PPP6R2: variants seen among roughly 807,000 people sequenced by gnomAD.
PPP6R2 encodes the protein protein phosphatase 6 regulatory subunit 2.
PPP6R2 carries 62 observed loss-of-function variants against 100.2 expected under a neutral mutation model. The ratio of observed to expected loss-of-function variants is 0.62; its 90% confidence interval spans 0.50 to 0.76. The LOEUF is 0.76. Among genes scored for constraint, PPP6R2 ranks in the 30% least tolerant of loss-of-function variants. PPP6R2 has a pLI of 0.00. For missense variants in PPP6R2, 1,142 were observed against 1,276.3 expected (o/e 0.89, Z 1.60); for synonymous variants, 525 against 514.7 (o/e 1.02, Z -0.27).
At chr22:50,443,801 G>A in intron 22 of PPP6R2, 65 bp from the exon 23 acceptor site, 3 of 1,503,078 alleles carry the variant, frequency 2.0e-6, no homozygotes, top group Non-Finnish European at 2.7e-6. Flanking sequence ...CTGGTCCTTG[G>A]GCATGAGGCG....
chr22:50,376,978 G>C lies in PPP6R2; in HGVS notation c.-17+4828G>C, dbSNP rs191010687. Among the ~76,000 whole-genome samples, 1,317 of 152,166 alleles carry C rather than the reference G, an allele frequency of 8.7e-3. 8 individuals carry two copies. The highest frequency in any genetic ancestry group is 0.015 in the Non-Finnish European group (1,025 of 68,034). On this transcript the variant is annotated intron_variant, in intron 2 of 23. Coordinates refer to ENST00000612753, the MANE Select transcript of PPP6R2 (RefSeq NM_001242898.2). ...GGAGGCGGAGCTTGCAGTGAGCCAA[G>C]ATCACACCACTGCCCTCCAGCCTGG...
Position 50,423,609 on chromosome 22 carries a change from C to T in PPP6R2, c.1120C>T (p.Leu374=). The T allele has an allele frequency of 1.9e-6, 3 of 1,614,106 alleles. No individual in the cohort carries two copies. Among genetic ancestry groups the T allele is most frequent in the Non-Finnish European group, 2.5e-6 (3 of 1,180,026 alleles). Residue 374 remains leucine, a synonymous_variant, in exon 10 of 24, where the codon CTG becomes TTG. Coordinates refer to ENST00000612753, the MANE Select transcript of PPP6R2 (RefSeq NM_001242898.2). The surrounding 1 kb of genome is among the most constrained non-coding windows in gnomAD (Gnocchi z 4.8). ...ELCRLNTMDL[L]LDLFFKYTWN... is the part of the protein sequence containing the mutation. ...CTGCCGGCTCAACACGATGGACTTA[C>T]TGCTGGTAAGTGGGCCCCTCAGCCA...
intron 2 of PPP6R2, among the ~76,000 whole-genome samples, chr22:50,380,231 C>CT (rs57158964): frequency 0.016 from 2,243 of 142,566 alleles, 25 homozygotes; most frequent in East Asian, 0.067. Flanking sequence ...CAGTCTTTTT[C>CT]TTTTTTTTTT....
chr22:50,395,256 C>G (rs1404449242), intron 3 of PPP6R2, among the ~76,000 whole-genome samples: 2 of 152,176 alleles, frequency 1.3e-5, no homozygotes, highest in African/African-American at 4.8e-5. Flanking sequence ...AACGCCCATT[C>G]AGCCCTGGCC....
chr22:50,366,795 G>A (rs755982455), intron 1 of PPP6R2, among the ~76,000 whole-genome samples: 54 of 152,132 alleles, frequency 3.5e-4, no homozygotes, highest in Non-Finnish European at 6.8e-4. Flanking sequence ...TCCTAGTTTT[G>A]ATTTTTCAAG....
In PPP6R2 at chr22:50,356,298, A is replaced by C. The variant is rs773087579; in HGVS notation, c.-148+12748A>C. 9.4e-4 allele frequency among the ~76,000 whole-genome samples: 118 copies of C among 125,720 alleles called. 2 individuals are homozygous for C. Among genetic ancestry groups the C allele is most frequent in the Non-Finnish European group, 7.6e-4 (45 of 58,976 alleles). The allele number at this position is 125,720 out of a possible 152,430, so 82.5% of individuals were successfully genotyped here. ...CTTTTTAACACAGAATGTACAGTCT[A>C]TTTTTCCTTTTTTTTTTTTTTTTTG... On this transcript the variant is annotated intron_variant, in intron 1 of 23. Transcript: ENST00000612753.
At chr22:50,414,144 G>T (rs912019660) in intron 4 of PPP6R2, among the ~76,000 whole-genome samples, 1 of 152,190 alleles carries the variant, frequency 6.6e-6, no homozygotes, top group African/African-American at 2.4e-5. Context: ...CCCTGGATGT[G>T]TGTTCTAGGC....
At chr22:50,332,288 T>C in the PPP6R2 span, among the ~76,000 whole-genome samples, 1 of 151,156 alleles carries the variant, frequency 6.6e-6, no homozygotes, top group Admixed American at 6.6e-5. Flanking sequence ...AGTGCAGTGG[T>C]GCAATCTTGG....
intron 1 of PPP6R2, among the ~76,000 whole-genome samples, chr22:50,354,753 T>C (rs549028623): frequency 6.6e-6 from 1 of 152,078 alleles, no homozygotes; most frequent in East Asian, 1.9e-4. Flanking sequence ...TGAACCGAGA[T>C]CATGCTACTG....
chr22:50,380,814 C>T (rs1467366069), intron 2 of PPP6R2, among the ~76,000 whole-genome samples: 1 of 150,756 alleles, frequency 6.6e-6, no homozygotes, highest in African/African-American at 2.4e-5. Flanking sequence ...ACAGTGAAAC[C>T]CCTTCACTAC....
intron 2 of PPP6R2, among the ~76,000 whole-genome samples, chr22:50,386,736 G>GTC (rs1389111782): frequency 6.6e-6 from 1 of 152,138 alleles, no homozygotes; most frequent in Non-Finnish European, 1.5e-5. Flanking sequence ...AACAGTAAGA[G>GTC]GTTGAGGTTC....
At chr22:50,413,060 A>G (rs1245966746) in intron 4 of PPP6R2, among the ~76,000 whole-genome samples, 2 of 146,840 alleles carry the variant, frequency 1.4e-5, no homozygotes, top group Non-Finnish European at 3.0e-5. Context: ...TCCCAGGTTC[A>G]AGCAATTCTG....
At chr22:50,337,361 G>A in the PPP6R2 span, among the ~76,000 whole-genome samples, 1 of 143,638 alleles carries the variant, frequency 7.0e-6, no homozygotes, top group East Asian at 2.2e-4. Context: ...GTGTGTGGGT[G>A]TGTGTGTGCT....
intron 1 of PPP6R2, among the ~76,000 whole-genome samples, chr22:50,349,827 AAAC>A (rs1428330931): frequency 1.4e-5 from 2 of 142,508 alleles, no homozygotes; most frequent in African/African-American, 2.9e-5. Flanking sequence ...AAAAAAAAAA[AAAC>A]AGAAAAAAGC....
intron 1 of PPP6R2, among the ~76,000 whole-genome samples, chr22:50,356,888 C>G (rs920143170): frequency 1.3e-5 from 2 of 151,556 alleles, no homozygotes; most frequent in Admixed American, 6.6e-5. Flanking sequence ...GAGGCAAGAT[C>G]GTGCCACTGC....
intron 10 of PPP6R2, among the ~76,000 whole-genome samples, chr22:50,424,328 C>T (rs1256055340): frequency 7.5e-6 from 1 of 132,942 alleles, no homozygotes; most frequent in African/African-American, 2.8e-5. Flanking sequence ...GTTCTGTCAG[C>T]GTGTGGAAGG....
chr22:50,340,600 G>GAGTGGT (rs1555946591), upstream of PPP6R2, among the ~76,000 whole-genome samples: 52 of 147,492 alleles, frequency 3.5e-4, no homozygotes, highest in South Asian at 2.1e-3. Flanking sequence ...GTGTGTGTGT[G>GAGTGGT]GTGTGTGGTG....
At chr22:50,339,311 TGTGGGTGTA>T (rs2042341497), upstream of PPP6R2, among the ~76,000 whole-genome samples, 2 of 84,102 alleles carry the variant, frequency 2.4e-5, no homozygotes, top group Non-Finnish European at 4.4e-5. Context: ...TGGTGTGTGT[TGTGGGTGTA>T]GTGTGTGTGG....
chr22:50,357,410 CTCT>C (rs1250221974), intron 1 of PPP6R2, among the ~76,000 whole-genome samples: 1 of 151,556 alleles, frequency 6.6e-6, no homozygotes, highest in Non-Finnish European at 1.5e-5. Flanking sequence ...CTCTCCATCC[CTCT>C]TCTTTCTTTT....
Sources: allele counts gnomAD v4.1 joint callset (sites outside exome capture counted in the v4.1 genomes callset), GRCh38; gene constraint gnomAD v4.1.1; non-coding constraint Gnocchi (gnomAD v3.1); transcripts MANE v1.5; gene names NCBI Gene and HGNC (gene_info 2026-07-23, HGNC 2026-07-21).